SLC9C2: variants seen among roughly 807,000 people sequenced by gnomAD.
SLC9C2 encodes the protein solute carrier family 9 member C2 (putative), also known as sodium/hydrogen exchanger 11.
Under a neutral mutation model 140.2 loss-of-function variants are expected in SLC9C2, and 75 were observed. The ratio of observed to expected loss-of-function variants is 0.53; its 90% CI spans 0.44 to 0.65. The LOEUF (loss-of-function observed/expected upper bound fraction) is 0.65, where lower values mean the gene tolerates loss of function less well. Among genes scored for constraint, SLC9C2 ranks in the 30% least tolerant of loss-of-function variants. The pLI is 0.00. For synonymous variants in SLC9C2, 375 were observed against 420.9 expected, an observed-to-expected ratio of 0.89 and a Z score of 1.34; for missense variants, 1,074 against 1,331.8, an observed-to-expected ratio of 0.81 and a Z score of 3.01.
At chr1:173,598,676 T>G (rs1382370942) in intron 3 of SLC9C2, among the ~76,000 whole-genome samples, 2 of 152,260 alleles carry the variant, frequency 1.3e-5, no homozygotes, top group Non-Finnish European at 2.9e-5. Context: ...TTTGCTCATC[T>G]GTAAAATGGA....
chr1:173,523,146 T>C (rs1215713549), intron 21 of SLC9C2, among the ~76,000 whole-genome samples: 1 of 151,758 alleles, frequency 6.6e-6, no homozygotes, highest in African/African-American at 2.4e-5. Flanking sequence ...CCAAGGCGGG[T>C]GGATCACTTG....
At chr1:173,578,973 G>A (rs1665354563) in intron 7 of SLC9C2, among the ~76,000 whole-genome samples, 1 of 152,232 alleles carries the variant, frequency 6.6e-6, no homozygotes, top group Non-Finnish European at 1.5e-5. Flanking sequence ...ACCTAAAACA[G>A]GAGGCTACCT....
chr1:173,524,456 A>C (rs1661056262), intron 20 of SLC9C2, among the ~76,000 whole-genome samples: 5 of 152,176 alleles, frequency 3.3e-5, no homozygotes, highest in Admixed American at 3.3e-4. Context: ...TCGCTGTTCA[A>C]ATCCCTTCCT....
At chr1:173,575,085 C>T (rs933697467) in intron 8 of SLC9C2, among the ~76,000 whole-genome samples, 2 of 151,998 alleles carry the variant, frequency 1.3e-5, no homozygotes, top group Non-Finnish European at 2.9e-5. Context: ...GTGCCATTGC[C>T]CCTCAGCCTG....
intron 22 of SLC9C2, among the ~76,000 whole-genome samples, chr1:173,518,196 G>C (rs1660559102): frequency 2.0e-5 from 3 of 151,792 alleles, no homozygotes; most frequent in Non-Finnish European, 4.4e-5. Context: ...CCAGGAGGCA[G>C]AGGTTGCAGT....
At chr1:173,598,175 G>A (rs1271884511) in intron 3 of SLC9C2, 143 bp from the exon 4 acceptor site, 1 of 823,132 alleles carries the variant, frequency 1.2e-6, no homozygotes, top group East Asian at 3.2e-5. Flanking sequence ...CAGTCCTAAG[G>A]GTCCTGTGGT....
rs1018883583 is a variant in SLC9C2 at position 173,601,866 on chromosome 1, T to C, written c.-79-11A>G. On this transcript the variant is annotated splice_polypyrimidine_tract_variant and intron_variant, in intron 1 of 27. Transcript: ENST00000367714. ...CTTCTGCATGCTAACCTGTATAGCA[T>C]GCAAAAAGAACATGAGACCTACCAA... is the stretch of plus-strand genomic sequence containing the variant. 55 of 1,500,244 alleles carry C rather than the reference T, an allele frequency of 3.7e-5. 1 individual carries two copies. In the Middle Eastern group the frequency reaches 1.1e-3, roughly 29 times the overall value. 92.9% of individuals were successfully genotyped at this position (1,500,244 alleles called of 1,614,324 possible).
chr1:173,519,303 T>C (rs186613037), intron 22 of SLC9C2, among the ~76,000 whole-genome samples: 13 of 152,242 alleles, frequency 8.5e-5, no homozygotes, highest in African/African-American at 3.1e-4. Context: ...CAAGGACTTC[T>C]GTTCAATAGC....
chr1:173,519,221 G>C (rs1373170673), intron 22 of SLC9C2, among the ~76,000 whole-genome samples: 2 of 152,062 alleles, frequency 1.3e-5, no homozygotes, highest in African/African-American at 4.8e-5. Flanking sequence ...TGAGATGTGA[G>C]GACCTGCATG....
intron 10 of SLC9C2, among the ~76,000 whole-genome samples, chr1:173,557,063 C>T (rs1445643681): frequency 6.6e-6 from 1 of 152,182 alleles, no homozygotes; most frequent in Non-Finnish European, 1.5e-5. Context: ...CTCAGCAAGC[C>T]TGGGGAACTT....
intron 27 of SLC9C2, among the ~76,000 whole-genome samples, chr1:173,502,011 C>G (rs927368724): frequency 6.6e-6 from 1 of 152,054 alleles, no homozygotes; most frequent in African/African-American, 2.4e-5. Context: ...CGGTGGCTCA[C>G]GCCTGTAATC....
chr1:173,601,578 T>C lies in SLC9C2; in HGVS notation c.127+72A>G, dbSNP rs1666786244. On this transcript the variant is annotated intron_variant, in intron 2 of 27. Transcript: ENST00000367714. ...GCCCCTTCTTTTGATGTTATGTAGTTGTGATGGCTTTCTGCATTGACAAAA... is the reference window on the plus strand; with the variant it reads ...GCCCCTTCTTTTGATGTTATGTAGTCGTGATGGCTTTCTGCATTGACAAAA... The C allele has an allele frequency of 2.6e-6, 4 of 1,545,524 alleles. No individual in the cohort carries two copies. The South Asian group carries it at 4.9e-5, about 19-fold the overall frequency.
rs549984119 is a variant in SLC9C2, at chr1:173,515,164, T to TG, written c.2907+2372dup. 3.7e-3 allele frequency among the ~76,000 whole-genome samples: 560 copies of TG among 152,214 alleles called. 6 individuals carry two copies. Among genetic ancestry groups the TG allele is most frequent in the Non-Finnish European group, 5.0e-3 (339 of 67,988 alleles). ...ATCTTCTCATGGAGTATCTTAGTGG[T>TG]GTTCTCTGTATTTCCTGAATTTGAA... On this transcript the variant is annotated intron_variant, in intron 23 of 27. Transcript: ENST00000367714.
chr1:173,591,894 C>T (rs1666186662), intron 4 of SLC9C2, among the ~76,000 whole-genome samples: 1 of 151,876 alleles, frequency 6.6e-6, no homozygotes, highest in Non-Finnish European at 1.5e-5. Flanking sequence ...TTAATTTTTG[C>T]TTTTGTTGCA....
intron 3 of SLC9C2, among the ~76,000 whole-genome samples, chr1:173,599,657 G>GT (rs1277151537): frequency 1.3e-5 from 2 of 151,854 alleles, no homozygotes; most frequent in Non-Finnish European, 2.9e-5. Context: ...AGGCTGGAGT[G>GT]TGGCGGTGTG....
intron 25 of SLC9C2, among the ~76,000 whole-genome samples, chr1:173,505,616 G>A (rs927878419): frequency 5.9e-5 from 9 of 152,116 alleles, no homozygotes; most frequent in South Asian, 4.1e-4. Flanking sequence ...CATCCAGTAA[G>A]CTACTTTTAC....
intron 13 of SLC9C2, among the ~76,000 whole-genome samples, chr1:173,538,960 C>A (rs10912637): frequency 0.071 from 10,780 of 151,894 alleles, 1,278 homozygotes; most frequent in African/African-American, 0.24. Flanking sequence ...AAAAACTATG[C>A]AGGGCAGGGG....
chr1:173,523,873 A>G lies in SLC9C2; in HGVS notation c.2640+96T>C, dbSNP rs908965916. 4 of 1,485,140 alleles carry G rather than the reference A, an allele frequency of 2.7e-6. No individual in the cohort carries two copies. In the African/African-American group the frequency reaches 4.2e-5, roughly 16 times the overall value. The allele number at this position is 1,485,140 out of a possible 1,614,324, so 92.0% of individuals were successfully genotyped here. On this transcript the variant is annotated intron_variant, in intron 21 of 27. Transcript: ENST00000367714. ...TTTGGCTTTCCCTGAATTGGCCAGTATGTGATATGCTTTTCTGTTAATCTT... is the reference window on the plus strand; with the variant it reads ...TTTGGCTTTCCCTGAATTGGCCAGTGTGTGATATGCTTTTCTGTTAATCTT...
intron 8 of SLC9C2, among the ~76,000 whole-genome samples, chr1:173,574,064 C>T (rs1219714892): frequency 1.3e-5 from 2 of 152,200 alleles, no homozygotes; most frequent in Non-Finnish European, 2.9e-5. Context: ...GGGCAGGGGG[C>T]TGAGGCCTCA....
Sources: gnomAD v4.1 joint callset for allele counts (sites outside exome capture counted in the v4.1 genomes callset) on GRCh38, gnomAD v4.1.1 for gene constraint, MANE v1.5 for transcripts, NCBI Gene and HGNC (gene_info 2026-07-23, HGNC 2026-07-21) for gene names.